Variants in PRKCI observed in about 807,000 individuals in gnomAD.
PRKCI encodes the protein protein kinase C iota type.
Under a neutral mutation model 84.0 loss-of-function variants are expected in PRKCI, and 43 were observed. The observed-to-expected ratio is 0.51, with a 90% CI of 0.40 to 0.66. The LOEUF (loss-of-function observed/expected upper bound fraction) is 0.66, where lower values mean the gene tolerates loss of function less well. Ranked by LOEUF, PRKCI falls within the 30% of genes least tolerant of loss-of-function variation. The pLI is 0.00. For synonymous variants in PRKCI, 216 were observed against 234.4 expected, an observed-to-expected ratio of 0.92 and a Z score of 0.72; for missense variants, 459 against 745.6, an observed-to-expected ratio of 0.62 and a Z score of 4.48.
Position 170,222,563 on chromosome 3 carries a change from C to G in PRKCI, c.-107C>G. 1.0e-6 allele frequency: 1 copy of G among 984,428 alleles called. No individual in the cohort carries two copies. Among genetic ancestry groups the G allele is most frequent in the Non-Finnish European group, 1.4e-6 (1 of 697,220 alleles). 61.0% of individuals were successfully genotyped at this position (984,428 alleles called of 1,614,324 possible). A position where few individuals can be genotyped will look rare whatever the true frequency, so the allele number is the denominator to read the frequency against. On this transcript the variant is annotated 5_prime_UTR_variant, in exon 1 of 18. Transcript: ENST00000295797. ...CGGGCGAGGTGGGCAGGTAGGTGGG[C>G]GGACGGCCGCGGTTCTCCGGCAAGC...
rs1455809541 is a variant in PRKCI at position 170,298,409 on chromosome 3, T to TA, written c.1588-586_1588-585insA. On this transcript the variant is annotated intron_variant, in intron 16 of 17. Transcript: ENST00000295797. ...GTACCCAGCTAATTTTCAATTTTTT[T>TA]TTTTTTTTTTTTTGAGATGGTGTCT... is the stretch of plus-strand genomic sequence containing the variant. 3.4e-4 allele frequency among the ~76,000 whole-genome samples: 51 copies of TA among 150,246 alleles called. 1 individual carries two copies. Among genetic ancestry groups the TA allele is most frequent in the Non-Finnish European group, 1.2e-4 (8 of 67,398 alleles).
At chr3:170,245,957 T>G (rs1170771472) in intron 2 of PRKCI, among the ~76,000 whole-genome samples, 5 of 141,398 alleles carry the variant, frequency 3.5e-5, no homozygotes, top group Admixed American at 6.9e-5. Context: ...TTGTTTTTTT[T>G]TTTTTTTTTT....
chr3:170,263,454 T>G, intron 4 of PRKCI, 25 bp downstream of exon 4: 1 of 1,543,808 alleles, frequency 6.5e-7, no homozygotes, highest in Non-Finnish European at 8.9e-7. Context: ...ACTTCATACC[T>G]TTTACAAGAG....
rs552673348 is a variant in PRKCI at position 170,232,906 on chromosome 3, A to G, written c.102-2324A>G. ...CTTACTACATTGACAGGGCTTTATA[A>G]CATTGCTTTTTTACTTTATTGTTAC... On this transcript the variant is annotated intron_variant, in intron 1 of 17. Transcript: ENST00000295797. Among the ~76,000 whole-genome samples, 19 of 152,090 alleles carry G rather than the reference A, an allele frequency of 1.2e-4. 1 individual carries two copies. The highest frequency in any genetic ancestry group is 6.2e-4 in the South Asian group (3 of 4,814).
At chr3:170,229,159 G>A (rs1430904239) in intron 1 of PRKCI, among the ~76,000 whole-genome samples, 2 of 151,914 alleles carry the variant, frequency 1.3e-5, no homozygotes, top group East Asian at 3.9e-4. Context: ...AGATATGTAT[G>A]TGCATACACA....
At chr3:170,246,538 T>G (rs1032765285) in intron 2 of PRKCI, among the ~76,000 whole-genome samples, 1 of 152,020 alleles carries the variant, frequency 6.6e-6, no homozygotes, top group Admixed American at 6.6e-5. Flanking sequence ...CAAGTGATCC[T>G]CCCGCTTTGC....
rs912520945 is a variant in PRKCI, at chr3:170,303,922, A to G, written c.*795A>G. On this transcript the variant is annotated 3_prime_UTR_variant, in exon 18 of 18. Transcript: ENST00000295797. ...TGAAACAGGAGAATCGCTTGAACCC[A>G]GGAGATGGAGTTGGCAGTGAGCCAA... 3.9e-4 allele frequency: 65 copies of G among 168,370 alleles called. No homozygotes were observed. Among genetic ancestry groups the G allele is most frequent in the Middle Eastern group, 2.5e-3 (1 of 402 alleles). The allele number at this position is 168,370 out of a possible 1,614,324, so 10.4% of individuals were successfully genotyped here.
intron 7 of PRKCI, 107 bp downstream of exon 7, chr3:170,273,447 T>C: frequency 9.5e-7 from 1 of 1,050,178 alleles, no homozygotes; most frequent in South Asian, 1.4e-5. Flanking sequence ...TTCTTCCCAA[T>C]TAAAAGTAAA....
chr3:170,286,725 T>G (rs1734402851), intron 12 of PRKCI, among the ~76,000 whole-genome samples: 1 of 151,900 alleles, frequency 6.6e-6, no homozygotes, highest in Non-Finnish European at 1.5e-5. Flanking sequence ...TGAGGAGAGA[T>G]TTCTGACCAA....
intron 1 of PRKCI, among the ~76,000 whole-genome samples, chr3:170,223,963 A>G (rs576155898): frequency 1.3e-5 from 2 of 151,938 alleles, no homozygotes; most frequent in Admixed American, 1.3e-4. Flanking sequence ...CATGTGCACA[A>G]TGTGCAGGTT....
intron 2 of PRKCI, among the ~76,000 whole-genome samples, chr3:170,243,170 G>A (rs779534037): frequency 2.4e-4 from 36 of 152,106 alleles, no homozygotes; most frequent in Non-Finnish European, 7.3e-5. Context: ...GGTAGAGAAC[G>A]TATCTGTTAT....
chr3:170,259,362 C>A (rs182745940), intron 2 of PRKCI, among the ~76,000 whole-genome samples: 2 of 151,718 alleles, frequency 1.3e-5, no homozygotes, highest in Admixed American at 6.6e-5. Flanking sequence ...CAGAGTGAGA[C>A]CCTGTCTCAC....
intron 2 of PRKCI, among the ~76,000 whole-genome samples, chr3:170,241,147 T>A (rs913277375): frequency 6.6e-6 from 1 of 152,174 alleles, no homozygotes; most frequent in African/African-American, 2.4e-5. Flanking sequence ...AAAATCAGGG[T>A]AATTAACACA....
chr3:170,280,129 ATATCTT>A (rs1734207147), intron 8 of PRKCI, 92 bp from the exon 9 acceptor site: 3 of 1,071,518 alleles, frequency 2.8e-6, no homozygotes, highest in Non-Finnish European at 3.9e-6. Flanking sequence ...TGTTAGGAAA[ATATCTT>A]TAAATCGTTA....
chr3:170,263,026 G>A (rs1030836003), intron 3 of PRKCI, among the ~76,000 whole-genome samples: 6 of 151,422 alleles, frequency 4.0e-5, no homozygotes, highest in Admixed American at 1.3e-4. Flanking sequence ...AAAATTAGCC[G>A]GGCATGGTGG....
At chr3:170,272,242 G>T (rs1445085742) in intron 6 of PRKCI, among the ~76,000 whole-genome samples, 1 of 152,142 alleles carries the variant, frequency 6.6e-6, no homozygotes, top group Non-Finnish European at 1.5e-5. Context: ...AGCTATCTAA[G>T]CACACTGCCT....
intron 1 of PRKCI, among the ~76,000 whole-genome samples, chr3:170,226,948 G>A (rs749219815): frequency 2.6e-5 from 4 of 152,198 alleles, no homozygotes; most frequent in Non-Finnish European, 4.4e-5. Flanking sequence ...AAATTTGAAT[G>A]AGAAAATATG....
intron 12 of PRKCI, among the ~76,000 whole-genome samples, chr3:170,286,375 A>G (rs1170489335): frequency 6.6e-6 from 1 of 151,972 alleles, no homozygotes; most frequent in Non-Finnish European, 1.5e-5. Flanking sequence ...CTCATTTCAG[A>G]AAAAAGTGAC....
At position 170,222,789 on chromosome 3, in the gene PRKCI, G is replaced by C. The variant is rs369689613; in HGVS notation, c.101+19G>C. 15 of 1,597,200 alleles carry C rather than the reference G, an allele frequency of 9.4e-6. No individual in the cohort carries two copies. The highest frequency in any genetic ancestry group is 1.3e-5 in the Non-Finnish European group (15 of 1,172,362). On this transcript the variant is annotated intron_variant, in intron 1 of 17. Transcript: ENST00000295797. ...ACCGCGGGTGAGTGTCCTGGGACAG[G>C]GCGGTGGGCGGGAGGGGACAGGCCG...
Sources: gnomAD v4.1 joint callset for allele counts (sites outside exome capture counted in the v4.1 genomes callset) on GRCh38, gnomAD v4.1.1 for gene constraint, MANE v1.5 for transcripts, NCBI Gene and HGNC (gene_info 2026-07-23, HGNC 2026-07-21) for gene names.